The following MGMT variants were observed in gnomAD, a reference collection of about 807,000 sequenced individuals.
MGMT encodes O-6-methylguanine-DNA methyltransferase, also known as methylated-DNA--protein-cysteine methyltransferase.
MGMT carries 14 observed loss-of-function variants against 15.9 expected under a neutral mutation model. The observed-to-expected ratio is 0.88, with a 90% CI of 0.58 to 1.37. MGMT has a LOEUF of 1.37. Ranked by LOEUF, MGMT falls within the 40% of genes most tolerant of loss-of-function variation. The pLI, the probability that MGMT is intolerant of heterozygous loss-of-function variation, is 0.00. For synonymous variants in MGMT, 130 were observed against 118.2 expected (o/e 1.10, Z -0.65); for missense variants, 282 against 268.1 (o/e 1.05, Z -0.36).
intron 1 of MGMT, among the ~76,000 whole-genome samples, chr10:129,471,210 G>A (rs188814138): frequency 3.9e-5 from 6 of 152,312 alleles, no homozygotes; most frequent in Non-Finnish European, 7.3e-5. Flanking sequence ...CACAGCGCGG[G>A]TGGCAGTTTT....
At chr10:129,584,853 G>A (rs769565648) in intron 2 of MGMT, among the ~76,000 whole-genome samples, 6 of 152,156 alleles carry the variant, frequency 3.9e-5, no homozygotes, top group Non-Finnish European at 8.8e-5. Context: ...CCCATCATGT[G>A]GATGAACCAC....
intron 3 of MGMT, among the ~76,000 whole-genome samples, chr10:129,738,240 G>A (rs941332151): frequency 8.5e-5 from 13 of 152,328 alleles, no homozygotes; most frequent in South Asian, 6.2e-4. Flanking sequence ...AGCCAGGTGC[G>A]GGATATAATC....
intron 3 of MGMT, 83 bp downstream of exon 3, chr10:129,708,126 A>AT: frequency 6.7e-7 from 1 of 1,501,458 alleles, no homozygotes; most frequent in Admixed American, 2.1e-5. Flanking sequence ...CATTTTATTG[A>AT]GTATACCAAC....
intron 2 of MGMT, among the ~76,000 whole-genome samples, chr10:129,703,746 C>T (rs1026238949): frequency 6.6e-6 from 1 of 152,196 alleles, no homozygotes; most frequent in Non-Finnish European, 1.5e-5. Context: ...GCTCATGACA[C>T]CAGCAGAGGT....
chr10:129,585,967 C>T (rs1846613497), intron 2 of MGMT, among the ~76,000 whole-genome samples: 1 of 152,118 alleles, frequency 6.6e-6, no homozygotes, highest in African/African-American at 2.4e-5. Context: ...CCTTGATAGT[C>T]TATCTGATAG....
chr10:129,507,360 T>A (rs1845636405), intron 1 of MGMT, among the ~76,000 whole-genome samples: 1 of 152,152 alleles, frequency 6.6e-6, no homozygotes, highest in Non-Finnish European at 1.5e-5. Flanking sequence ...GACATCGCAG[T>A]GGTCTTGTCT....
At chr10:129,477,695 C>G (rs998004831) in intron 1 of MGMT, among the ~76,000 whole-genome samples, 2 of 152,224 alleles carry the variant, frequency 1.3e-5, no homozygotes, top group African/African-American at 4.8e-5. Flanking sequence ...ACCAGCAGCT[C>G]TCACTTGCCA....
intron 2 of MGMT, among the ~76,000 whole-genome samples, chr10:129,599,257 G>A (rs1419029219): frequency 3.3e-5 from 5 of 152,128 alleles, no homozygotes; most frequent in Non-Finnish European, 5.9e-5. Flanking sequence ...AGTAGGCTAC[G>A]GTCTGTTTAT....
chr10:129,716,200 T>C (rs945841705), intron 3 of MGMT, among the ~76,000 whole-genome samples: 1 of 152,208 alleles, frequency 6.6e-6, no homozygotes, highest in Non-Finnish European at 1.5e-5. Context: ...TTAGTTCGGA[T>C]CAGGCCTTCT....
intron 2 of MGMT, among the ~76,000 whole-genome samples, chr10:129,611,893 A>G (rs1227189104): frequency 6.6e-6 from 1 of 152,232 alleles, no homozygotes; most frequent in Non-Finnish European, 1.5e-5. Flanking sequence ...CAATGGAAAG[A>G]GTCAAACTCT....
At chr10:129,645,647 G>A (rs750290474) in intron 2 of MGMT, among the ~76,000 whole-genome samples, 10 of 152,212 alleles carry the variant, frequency 6.6e-5, no homozygotes, top group Non-Finnish European at 1.2e-4. Flanking sequence ...TGTGCGTGTC[G>A]GTGGTTTTCC....
chr10:129,575,720 C>T (rs1408090628), intron 2 of MGMT, among the ~76,000 whole-genome samples: 1 of 151,374 alleles, frequency 6.6e-6, no homozygotes, highest in Admixed American at 6.6e-5. Context: ...CACAAAAAAC[C>T]CTTCAAAAAA....
At chr10:129,753,667 G>C (rs1387306523) in intron 3 of MGMT, among the ~76,000 whole-genome samples, 1 of 151,988 alleles carries the variant, frequency 6.6e-6, no homozygotes, top group Non-Finnish European at 1.5e-5. Context: ...TATTATTCTT[G>C]ATAGCTTCTA....
chr10:129,567,308 C>T (rs1352723362), intron 2 of MGMT, among the ~76,000 whole-genome samples: 1 of 152,062 alleles, frequency 6.6e-6, no homozygotes, highest in East Asian at 1.9e-4. Flanking sequence ...CTCCCTGCCA[C>T]CTCCCACCCC....
Position 129,768,083 on chromosome 10 carries a change from C to A in MGMT, c.*1086C>A, listed in dbSNP as rs1848959534. On this transcript the variant is annotated 3_prime_UTR_variant, in exon 5 of 5. Coordinates refer to ENST00000651593, the MANE Select transcript of MGMT (RefSeq NM_002412.5). ...TGTGCACTAGAGCGCCATGTTCTTA[C>A]CCAGCATTCCTTGCCACGGTGTGAA... 6.6e-6 allele frequency: 1 copy of A among 152,234 alleles called. No homozygotes were observed. Among genetic ancestry groups the A allele is most frequent in the Non-Finnish European group, 1.5e-5 (1 of 68,044 alleles). 9.4% of individuals were successfully genotyped at this position (152,234 alleles called of 1,614,324 possible). A position where few individuals can be genotyped will look rare whatever the true frequency, so the allele number is the denominator to read the frequency against.
chr10:129,636,221 C>T (rs1021148794), intron 2 of MGMT, among the ~76,000 whole-genome samples: 3 of 152,160 alleles, frequency 2.0e-5, no homozygotes, highest in African/African-American at 4.8e-5. Flanking sequence ...CACCCGAGTC[C>T]AGCCGGAGAT....
intron 2 of MGMT, among the ~76,000 whole-genome samples, chr10:129,652,890 C>T (rs895381330): frequency 2.6e-5 from 4 of 152,260 alleles, no homozygotes; most frequent in African/African-American, 4.8e-5. Context: ...TGTTGTGTTC[C>T]TCCTGGTAGG....
At chr10:129,534,951 T>C (rs569068816) in intron 1 of MGMT, among the ~76,000 whole-genome samples, 1 of 152,282 alleles carries the variant, frequency 6.6e-6, no homozygotes, top group East Asian at 1.9e-4. Context: ...TGCTCACCTC[T>C]GCCACTGTAG....
rs193151690 is a variant in MGMT, at chr10:129,526,944, C to A, written c.-12-9297C>A. Among the ~76,000 whole-genome samples the A allele has an allele frequency of 1.2e-4, 19 of 152,336 alleles. No homozygotes were observed. The East Asian group carries it at 3.7e-3, about 29-fold the overall frequency. On this transcript the variant is annotated intron_variant, in intron 1 of 4. Transcript: ENST00000651593. ...GTTAAAAGGGAGATGAAACGAAATT[C>A]ATTTTTCCAGAGGTCTCCAAATAGC...
Sources: allele counts gnomAD v4.1 joint callset (sites outside exome capture counted in the v4.1 genomes callset), GRCh38; gene constraint gnomAD v4.1.1; transcripts MANE v1.5; gene names NCBI Gene and HGNC (gene_info 2026-07-23, HGNC 2026-07-21).